ADGRL2: variants seen among roughly 807,000 people sequenced by gnomAD.
The protein encoded by ADGRL2 is adhesion G protein-coupled receptor L2, also known as calcium-independent alpha-latrotoxin receptor 2.
In ADGRL2, 44 loss-of-function variants were observed where a neutral mutation model predicts 157.4. The ratio of observed to expected loss-of-function variants is 0.28; its 90% CI spans 0.22 to 0.36. The LOEUF is 0.36. Among genes scored for constraint, ADGRL2 ranks in the 10% least tolerant of loss-of-function variants. The pLI is 1.00. For synonymous variants in ADGRL2, 585 were observed against 624.7 expected (o/e 0.94, Z 0.95); for missense variants, 1,510 against 1,768.9 (o/e 0.85, Z 2.63).
intron 1 of ADGRL2, among the ~76,000 whole-genome samples, chr1:81,340,121 T>C (rs1661960355): frequency 6.6e-6 from 1 of 152,216 alleles, no homozygotes; most frequent in Non-Finnish European, 1.5e-5. Context: ...TTTTTAATCA[T>C]ACTATATTTG....
At chr1:81,813,268 A>G (rs544352907) in intron 1 of ADGRL2, among the ~76,000 whole-genome samples, 25 of 151,872 alleles carry the variant, frequency 1.6e-4, no homozygotes, top group African/African-American at 5.8e-4. Context: ...ATCTTTGGAA[A>G]GAGATGTAAT....
intron 1 of ADGRL2, among the ~76,000 whole-genome samples, chr1:81,337,005 C>T (rs1557606886): frequency 1.3e-5 from 2 of 152,014 alleles, no homozygotes; most frequent in South Asian, 4.1e-4. Flanking sequence ...AGGAGCTTGA[C>T]ATCAGCGAGA....
intron 3 of ADGRL2, among the ~76,000 whole-genome samples, chr1:81,922,212 A>G (rs1371446391): frequency 6.6e-6 from 1 of 152,144 alleles, no homozygotes; most frequent in African/African-American, 2.4e-5. Flanking sequence ...AAAATACTGT[A>G]TGCTCGGGAT....
intron 3 of ADGRL2, among the ~76,000 whole-genome samples, chr1:81,653,320 G>GT (rs375033003): frequency 0.028 from 3,806 of 135,420 alleles, 187 homozygotes; most frequent in African/African-American, 0.097. Context: ...AACCTTTAGG[G>GT]TTTTTTTTTT....
At chr1:81,595,960 C>T (rs1228362009) in intron 3 of ADGRL2, among the ~76,000 whole-genome samples, 1 of 152,112 alleles carries the variant, frequency 6.6e-6, no homozygotes, top group Non-Finnish European at 1.5e-5. Context: ...TCTCCTTGTC[C>T]TCACAGGGCG....
chr1:81,673,442 A>G (rs1293810263), intron 3 of ADGRL2, among the ~76,000 whole-genome samples: 2 of 151,028 alleles, frequency 1.3e-5, no homozygotes, highest in Admixed American at 1.3e-4. Context: ...TGGTTTGTGT[A>G]TATTTGTAGA....
At chr1:81,533,790 C>A (rs2079663924) in intron 2 of ADGRL2, among the ~76,000 whole-genome samples, 1 of 152,168 alleles carries the variant, frequency 6.6e-6, no homozygotes. Context: ...GCTCCCTCCT[C>A]CCACCCACAC....
At chr1:81,779,273 G>A (rs115980993) in intron 2 of ADGRL2, among the ~76,000 whole-genome samples, 161 of 152,234 alleles carry the variant, frequency 1.1e-3, no homozygotes, top group African/African-American at 3.7e-3. Flanking sequence ...TAAGGGGTTC[G>A]AGAAGTCTGA....
chr1:81,750,147 C>G (rs1306146604), intron 1 of ADGRL2, among the ~76,000 whole-genome samples: 1 of 152,144 alleles, frequency 6.6e-6, no homozygotes, highest in Non-Finnish European at 1.5e-5. Context: ...TCAATTTGTT[C>G]TCATGCTCTT....
At chr1:81,681,959 A>G (rs905547086) in intron 3 of ADGRL2, among the ~76,000 whole-genome samples, 5 of 152,228 alleles carry the variant, frequency 3.3e-5, no homozygotes, top group African/African-American at 1.2e-4. Context: ...AATCCTAAAT[A>G]TAGTGGGGAG....
At chr1:81,747,701 T>TTG (rs10556401) in intron 1 of ADGRL2, among the ~76,000 whole-genome samples, 23,947 of 147,182 alleles carry the variant, frequency 0.16, 1,899 homozygotes, top group African/African-American at 0.21. Context: ...CCTTTAATGT[T>TTG]TGTGTGTGTG....
chr1:81,748,678 G>GT (rs1257915312), intron 1 of ADGRL2, among the ~76,000 whole-genome samples: 3 of 150,014 alleles, frequency 2.0e-5, no homozygotes, highest in Admixed American at 1.3e-4. Flanking sequence ...TTGTTTTTTG[G>GT]TTTTTTTGAG....
At chr1:81,806,663 ACACT>A (rs1177660015) in intron 1 of ADGRL2, among the ~76,000 whole-genome samples, 1 of 152,086 alleles carries the variant, frequency 6.6e-6, no homozygotes, top group Non-Finnish European at 1.5e-5. Flanking sequence ...TATTCAAATA[ACACT>A]CAGTTTATTG....
intron 2 of ADGRL2, among the ~76,000 whole-genome samples, chr1:81,789,370 T>C (rs2087217747): frequency 6.6e-6 from 1 of 152,192 alleles, no homozygotes; most frequent in Non-Finnish European, 1.5e-5. Context: ...GATAAAATGA[T>C]GTTTAGTATA....
chr1:81,627,026 G>C (rs933278821), intron 3 of ADGRL2, among the ~76,000 whole-genome samples: 7 of 151,964 alleles, frequency 4.6e-5, no homozygotes, highest in Non-Finnish European at 8.8e-5. Flanking sequence ...TGCCAAGCCA[G>C]GTACACATCC....
intron 2 of ADGRL2, among the ~76,000 whole-genome samples, chr1:81,464,431 G>A (rs575257976): frequency 1.1e-3 from 169 of 147,740 alleles, no homozygotes; most frequent in African/African-American, 3.8e-3. Context: ...ACACAGCAGG[G>A]GAAAAACTGC....
chr1:81,387,997 G>GTTATTGTTAACAATA (rs1402238921), intron 1 of ADGRL2, among the ~76,000 whole-genome samples: 76 of 151,962 alleles, frequency 5.0e-4, no homozygotes, highest in African/African-American at 1.7e-3. Flanking sequence ...AATATTTTAT[G>GTTATTGTTAACAATA]TCCTGTTAAA....
intron 3 of ADGRL2, among the ~76,000 whole-genome samples, chr1:81,588,886 T>G (rs775504544): frequency 6.6e-5 from 10 of 152,260 alleles, no homozygotes; most frequent in Admixed American, 2.6e-4. Flanking sequence ...GCAATATCCA[T>G]AGCTTTAAGT....
chr1:81,781,714 T>A (rs1432106215), intron 2 of ADGRL2, among the ~76,000 whole-genome samples: 1 of 152,214 alleles, frequency 6.6e-6, no homozygotes, highest in Admixed American at 6.5e-5. Flanking sequence ...CAGAAGCAGG[T>A]GCATGCAGAT....
Sources: allele counts gnomAD v4.1 joint callset (sites outside exome capture counted in the v4.1 genomes callset), GRCh38; gene constraint gnomAD v4.1.1; transcripts MANE v1.5; gene names NCBI Gene and HGNC (gene_info 2026-07-23, HGNC 2026-07-21).